Variants in NDUFAF7 observed in about 807,000 individuals in gnomAD.
NDUFAF7 encodes NADH:ubiquinone oxidoreductase complex assembly factor 7.
A neutral mutation model predicts 47.2 loss-of-function variants in NDUFAF7; 48 were observed. That is an observed-to-expected ratio of 1.02 (90% CI 0.81 to 1.29). The LOEUF is 1.29. Ranked by LOEUF, NDUFAF7 falls within the 50% of genes most tolerant of loss-of-function variation. The probability of loss-of-function intolerance (pLI) is 0.00; values close to 1 mark genes in which losing one functional copy is unlikely to be tolerated. For missense variants in NDUFAF7, 635 were observed against 537.6 expected (o/e 1.18, Z -1.79); for synonymous variants, 217 against 190.0 (o/e 1.14, Z -1.17).
At chr2:37,262,811 G>A in the NDUFAF7 span, among the ~76,000 whole-genome samples, 9 of 152,014 alleles carry the variant, frequency 5.9e-5, no homozygotes, top group African/African-American at 2.2e-4. Flanking sequence ...GTTTTAGTAA[G>A]TTATACTTTC....
At chr2:37,252,152 C>T (rs1370117950), downstream of NDUFAF7, 1 of 152,112 alleles carries the variant, frequency 6.6e-6, no homozygotes, top group African/African-American at 2.4e-5. Context: ...TAAAACACTC[C>T]AGATATCTGC....
chr2:37,248,467 C>A lies in NDUFAF7; in HGVS notation c.*117C>A. ...GTATTTTATCTTTTCACAGCAAGAA[C>A]AGTCCATGTTGTATATAATACAACC... On this transcript the variant is annotated 3_prime_UTR_variant, in exon 10 of 10. Transcript: ENST00000002125. The A allele has an allele frequency of 9.8e-7, 1 of 1,023,520 alleles. No individual in the cohort carries two copies. Among genetic ancestry groups the A allele is most frequent in the South Asian group, 1.3e-5 (1 of 76,292 alleles). The allele number at this position is 1,023,520 out of a possible 1,614,324, so 63.4% of individuals were successfully genotyped here.
At chr2:37,271,319 G>C in the NDUFAF7 span, among the ~76,000 whole-genome samples, 7 of 151,944 alleles carry the variant, frequency 4.6e-5, no homozygotes, top group Non-Finnish European at 7.4e-5. Context: ...ATCTAAAAAT[G>C]GTCTTTAAAT....
At chr2:37,248,112 G>A (rs780651883) in intron 9 of NDUFAF7, 23 bp from the exon 10 acceptor site, 14 of 1,571,296 alleles carry the variant, frequency 8.9e-6, no homozygotes, top group Non-Finnish European at 3.5e-6. Context: ...GGTTATTTTT[G>A]CTAAGAATTT....
chr2:37,264,979 G>A, the NDUFAF7 span, among the ~76,000 whole-genome samples: 6 of 151,966 alleles, frequency 3.9e-5, no homozygotes, highest in African/African-American at 1.2e-4. Flanking sequence ...CCTTGCCACC[G>A]GAAAGGCCAA....
intron 6 of NDUFAF7, among the ~76,000 whole-genome samples, 176 bp downstream of exon 6, chr2:37,242,869 T>C (rs1666500242): frequency 6.6e-6 from 1 of 152,188 alleles, no homozygotes; most frequent in South Asian, 2.1e-4. Context: ...TTAATGAGAA[T>C]TGTTAGTTCT....
In NDUFAF7 at chr2:37,236,193, A is replaced by G. The variant is rs1404737484; in HGVS notation, c.297+17A>G. On this transcript the variant is annotated intron_variant, in intron 3 of 9. Coordinates refer to ENST00000002125, the MANE Select transcript of NDUFAF7 (RefSeq NM_144736.5). Reference sequence around the variant, plus strand: ...TTTGGGGAGGTAATATACTATGTAAAGTATGAATGAAGCTAATATAAACAT... The same window carrying G: ...TTTGGGGAGGTAATATACTATGTAAGGTATGAATGAAGCTAATATAAACAT... 1 of 1,541,598 alleles carries G rather than the reference A, an allele frequency of 6.5e-7. No homozygotes were observed. Among genetic ancestry groups the G allele is most frequent in the African/African-American group, 1.4e-5 (1 of 73,366 alleles).
intron 4 of NDUFAF7, among the ~76,000 whole-genome samples, chr2:37,240,361 G>C (rs1019403748): frequency 6.6e-6 from 1 of 151,720 alleles, no homozygotes; most frequent in African/African-American, 2.4e-5. Flanking sequence ...GCTGCAGTGA[G>C]CTGTGATTAT....
At chr2:37,243,619 T>G (rs960284750) in intron 6 of NDUFAF7, among the ~76,000 whole-genome samples, 1 of 152,234 alleles carries the variant, frequency 6.6e-6, no homozygotes, top group African/African-American at 2.4e-5. Context: ...TTTCCGTTTT[T>G]GGGGTACTTT....
At chr2:37,256,627 AAT>A (rs1558522120), downstream of NDUFAF7, 63 of 1,247,232 alleles carry the variant, frequency 5.1e-5, no homozygotes, top group Middle Eastern at 2.7e-4. Context: ...ACATAGCCAA[AAT>A]TTTTTTTTTT....
At chr2:37,265,143 T>TTGGG in the NDUFAF7 span, among the ~76,000 whole-genome samples, 14,261 of 151,842 alleles carry the variant, frequency 0.094, 2,253 homozygotes, top group African/African-American at 0.32. Context: ...CCTTTCAGGT[T>TTGGG]TGGGTGATGA....
the NDUFAF7 span, among the ~76,000 whole-genome samples, chr2:37,266,930 C>T: frequency 1.1e-4 from 16 of 152,142 alleles, no homozygotes; most frequent in Admixed American, 5.2e-4. Flanking sequence ...AGATGACCGC[C>T]CCCAAGGGGT....
intron 4 of NDUFAF7, among the ~76,000 whole-genome samples, chr2:37,238,905 CA>C (rs35512230): frequency 0.49 from 45,191 of 93,002 alleles, 7,687 homozygotes; most frequent in Non-Finnish European, 0.53. Flanking sequence ...GCTAAAAAAG[CA>C]AAAAAAAAAA....
chr2:37,254,991 G>T (rs1205398955), downstream of NDUFAF7, among the ~76,000 whole-genome samples: 1 of 152,092 alleles, frequency 6.6e-6, no homozygotes, highest in Non-Finnish European at 1.5e-5. Context: ...CTATATAATG[G>T]TACATTTGAA....
At chr2:37,264,935 T>A in the NDUFAF7 span, among the ~76,000 whole-genome samples, 1 of 152,142 alleles carries the variant, frequency 6.6e-6, no homozygotes, top group Non-Finnish European at 1.5e-5. Flanking sequence ...AACTGTAAGG[T>A]CACTTCTAAA....
chr2:37,254,504 A>G (rs933282978), downstream of NDUFAF7, among the ~76,000 whole-genome samples: 1 of 152,224 alleles, frequency 6.6e-6, no homozygotes, highest in Non-Finnish European at 1.5e-5. Context: ...ATAAGGCAGT[A>G]TAGAGTACAG....
intron 1 of NDUFAF7, 113 bp downstream of exon 1, chr2:37,231,873 C>G (rs1665171230): frequency 6.3e-7 from 1 of 1,581,656 alleles, no homozygotes; most frequent in East Asian, 2.3e-5. Context: ...TCACTTCCAC[C>G]TTGAAGGTAC....
the NDUFAF7 span, chr2:37,269,308 C>A: frequency 3.0e-6 from 1 of 329,154 alleles, no homozygotes; most frequent in Non-Finnish European, 5.9e-6. Context: ...TAAGCCCACT[C>A]AGCCCAACAT....
chr2:37,240,891 A>C (rs986643910), intron 4 of NDUFAF7, among the ~76,000 whole-genome samples: 13 of 152,192 alleles, frequency 8.5e-5, no homozygotes, highest in African/African-American at 3.1e-4. Flanking sequence ...ATTTGGAAAA[A>C]TCATCTTGTT....
Sources: allele counts gnomAD v4.1 joint callset (sites outside exome capture counted in the v4.1 genomes callset), GRCh38; gene constraint gnomAD v4.1.1; transcripts MANE v1.5; gene names NCBI Gene and HGNC (gene_info 2026-07-23, HGNC 2026-07-21).